Variants in SPHKAP observed in about 807,000 individuals in gnomAD.
SPHKAP encodes A-kinase anchor protein SPHKAP.
In SPHKAP, 67 loss-of-function variants were observed where a neutral mutation model predicts 137.5. The ratio of observed to expected loss-of-function variants is 0.49; its 90% CI spans 0.40 to 0.60. The LOEUF is 0.60. Among genes scored for constraint, SPHKAP ranks in the 20% least tolerant of loss-of-function variants. The probability of loss-of-function intolerance (pLI) is 0.00; values close to 1 mark genes in which losing one functional copy is unlikely to be tolerated. For missense variants in SPHKAP, 2,097 were observed against 2,069.3 expected, an observed-to-expected ratio of 1.01 and a Z score of -0.26; for synonymous variants, 813 against 785.3, an observed-to-expected ratio of 1.04 and a Z score of -0.59.
intron 1 of SPHKAP, among the ~76,000 whole-genome samples, chr2:228,163,638 T>C (rs1160922355): frequency 6.6e-6 from 1 of 152,160 alleles, no homozygotes; most frequent in Admixed American, 6.5e-5. Flanking sequence ...TATTTCCACC[T>C]CCCTTGCTAT....
intron 3 of SPHKAP, among the ~76,000 whole-genome samples, chr2:228,053,463 A>T (rs1458794792): frequency 1.3e-5 from 2 of 152,164 alleles, no homozygotes; most frequent in East Asian, 3.9e-4. Flanking sequence ...TTGCCTGGGC[A>T]TGTGTGTTAA....
chr2:228,022,316 G>A (rs1694871844), intron 5 of SPHKAP: 1 of 350,124 alleles, frequency 2.9e-6, no homozygotes, highest in Non-Finnish European at 4.0e-6. Context: ...AATTAAGTTG[G>A]ACCACAACTC....
chr2:228,027,935 C>G (rs1442989447), intron 3 of SPHKAP: 1 of 879,042 alleles, frequency 1.1e-6, no homozygotes. Context: ...CCACTCCAGC[C>G]TGGCGACAGT....
intron 3 of SPHKAP, among the ~76,000 whole-genome samples, chr2:228,062,140 C>G (rs1407697210): frequency 1.3e-5 from 2 of 151,578 alleles, no homozygotes; most frequent in Non-Finnish European, 2.9e-5. Context: ...TTCTGTAGGT[C>G]AACCACTCCC....
chr2:228,095,687 G>A (rs1453139997), intron 3 of SPHKAP, among the ~76,000 whole-genome samples: 1 of 152,066 alleles, frequency 6.6e-6, no homozygotes. Flanking sequence ...CATAGTGGCA[G>A]TTTGACAGGG....
intron 3 of SPHKAP, among the ~76,000 whole-genome samples, chr2:228,091,923 T>C (rs1248769915): frequency 6.6e-6 from 1 of 152,036 alleles, no homozygotes; most frequent in Non-Finnish European, 1.5e-5. Context: ...ACTGGGTATC[T>C]ACCCAGAGGA....
Position 228,149,090 on chromosome 2 carries a change from T to C in SPHKAP, c.33-17005A>G, listed in dbSNP as rs1699857045. Among the ~76,000 whole-genome samples, 4 of 152,336 alleles carry C rather than the reference T, an allele frequency of 2.6e-5. No homozygotes were observed. The South Asian group carries it at 8.3e-4, about 32-fold the overall frequency. ...ACTTTCAGGACCTTCCAATTTGTTT[T>C]ATGAATATCTAGATAAGAAACACAC... On this transcript the variant is annotated intron_variant, in intron 1 of 11. Coordinates refer to ENST00000392056, the MANE Select transcript of SPHKAP (RefSeq NM_001142644.2).
intron 3 of SPHKAP, among the ~76,000 whole-genome samples, chr2:228,036,106 T>C (rs994435738): frequency 2.0e-5 from 3 of 149,660 alleles, no homozygotes; most frequent in African/African-American, 7.5e-5. Flanking sequence ...ACCTACAGAA[T>C]GGGAGAAAAT....
chr2:228,129,987 A>G (rs7603395), intron 2 of SPHKAP, among the ~76,000 whole-genome samples: 51,874 of 151,466 alleles, frequency 0.34, 9,158 homozygotes, highest in East Asian at 0.5. Flanking sequence ...GTAGAGACGG[A>G]GTTTCACCAT....
At position 228,137,397 on chromosome 2, in the gene SPHKAP, A is replaced by G. The variant is rs144660504; in HGVS notation, c.33-5312T>C. 1.1e-3 allele frequency among the ~76,000 whole-genome samples: 165 copies of G among 152,346 alleles called. 1 individual carries two copies. Among genetic ancestry groups the G allele is most frequent in the Middle Eastern group, 6.8e-3 (2 of 294 alleles). ...ATGCTAAATTTTCTGCAGTGCTGAC[A>G]GTTGGTGAGATAAGCCACATCTGAG... On this transcript the variant is annotated intron_variant, in intron 1 of 11. Transcript: ENST00000392056.
At chr2:228,174,907 A>G (rs932220632) in intron 1 of SPHKAP, among the ~76,000 whole-genome samples, 4 of 152,128 alleles carry the variant, frequency 2.6e-5, no homozygotes, top group African/African-American at 9.6e-5. Flanking sequence ...AATGTAAAAC[A>G]TGGTAACCAG....
chr2:228,017,396 C>T lies in SPHKAP; in HGVS notation c.3458G>A (p.Gly1153Asp). 1 of 1,614,014 alleles carries T rather than the reference C, an allele frequency of 6.2e-7. No homozygotes were observed. The highest frequency in any genetic ancestry group is 8.5e-7 in the Non-Finnish European group (1 of 1,179,984). ...GTTCAGAATGCTGCTGGCGTTCTTG[C>T]CAGCATAGTAATCCAGCAGTAACTC... ...GFELLLDYYA[G>D]KNASSILNSA... Residue 1153 changes from glycine (G) to aspartate (D), a missense_variant, in exon 7 of 12, where the codon GGC (glycine) becomes GAC (aspartate). Transcript: ENST00000392056.
intron 1 of SPHKAP, among the ~76,000 whole-genome samples, chr2:228,159,330 T>C (rs1700204016): frequency 1.3e-5 from 2 of 151,946 alleles, no homozygotes; most frequent in African/African-American, 4.8e-5. Context: ...GGGTTGGGGG[T>C]GAGAATGAAA....
intron 2 of SPHKAP, among the ~76,000 whole-genome samples, chr2:228,112,421 G>C (rs1353531194): frequency 1.3e-5 from 2 of 152,050 alleles, no homozygotes; most frequent in Non-Finnish European, 2.9e-5. Flanking sequence ...AGATATTTAG[G>C]ACACATAATA....
rs1694776117 is a variant in SPHKAP, at chr2:228,020,027, T to C, written c.827A>G (p.Tyr276Cys). The C allele has an allele frequency of 1.9e-6, 3 of 1,614,108 alleles. No homozygotes were observed. The highest frequency in any genetic ancestry group is 2.5e-6 in the Non-Finnish European group (3 of 1,180,036). Reference sequence around the variant, plus strand: ...TTCTGTTTTAATCAATGGTGTGGGATATTTGTTGATGTATTTGTCTTCCAA... The same window carrying C: ...TTCTGTTTTAATCAATGGTGTGGGACATTTGTTGATGTATTTGTCTTCCAA... ...YALEDKYINK[Y>C]PTPLIKTERS... is the part of the protein sequence containing the mutation. Residue 276 changes from tyrosine (Y) to cysteine (C), a missense_variant, in exon 7 of 12, where the codon TAT becomes TGT. Coordinates refer to ENST00000392056, the MANE Select transcript of SPHKAP (RefSeq NM_001142644.2).
At chr2:228,134,236 G>A (rs1421140674) in intron 1 of SPHKAP, among the ~76,000 whole-genome samples, 1 of 68,206 alleles carries the variant, frequency 1.5e-5, no homozygotes, top group Non-Finnish European at 3.0e-5. Context: ...GAGGGAGGGA[G>A]GAAGGAAGGA....
At chr2:228,055,415 C>A (rs746757438) in intron 3 of SPHKAP, among the ~76,000 whole-genome samples, 1 of 152,154 alleles carries the variant, frequency 6.6e-6, no homozygotes, top group African/African-American at 2.4e-5. Context: ...CCTTTTCCCC[C>A]CTCACTGGGG....
At chr2:227,991,526 C>G in intron 9 of SPHKAP, 200 bp from the exon 10 acceptor site, 2 of 985,394 alleles carry the variant, frequency 2.0e-6, no homozygotes, top group Non-Finnish European at 2.4e-6. Flanking sequence ...AAATGTCCTC[C>G]TCCAACAACA....
intron 1 of SPHKAP, among the ~76,000 whole-genome samples, chr2:228,154,819 A>AAAGTGCTGGGATTACAGTCTTGAGC (rs1318520233): frequency 3.3e-5 from 5 of 149,310 alleles, no homozygotes; most frequent in African/African-American, 7.4e-5. Flanking sequence ...TCAGCCTCCC[A>AAAGTGCTGGGATTACAGTCTTGAGC]AAGTGCTGGG....
Sources: gnomAD v4.1 joint callset for allele counts (sites outside exome capture counted in the v4.1 genomes callset) on GRCh38, gnomAD v4.1.1 for gene constraint, MANE v1.5 for transcripts, NCBI Gene and HGNC (gene_info 2026-07-23, HGNC 2026-07-21) for gene names.